DMKN: variants seen among roughly 807,000 people sequenced by gnomAD.
DMKN encodes the protein epidermis-specific secreted protein SK30/SK89.
A neutral mutation model predicts 67.6 loss-of-function variants in DMKN; 58 were observed. The ratio of observed to expected loss-of-function variants is 0.86; its 90% CI spans 0.69 to 1.07. DMKN has a LOEUF of 1.07. Ranked by LOEUF, DMKN falls within the 50% of genes least tolerant of loss-of-function variation. DMKN has a pLI of 0.00. For synonymous variants in DMKN, 240 were observed against 232.3 expected (o/e 1.03, Z -0.30); for missense variants, 596 against 601.5 (o/e 0.99, Z 0.10).
intron 7 of DMKN, chr19:35,507,614 G>C (rs1329849658): frequency 1.0e-6 from 1 of 976,006 alleles, no homozygotes; most frequent in Non-Finnish European, 1.6e-6. Context: ...TGAATCGGGG[G>C]ACTGAGACAT....
chr19:35,512,189 G>C lies in DMKN; in HGVS notation c.684+232C>G, dbSNP rs1226082554. ...ATTTTTGTATTTTTAGTGAAGACAGGGTTTCACCATGTTGACCAGGCTGGT... is the reference window on the plus strand; with the variant it reads ...ATTTTTGTATTTTTAGTGAAGACAGCGTTTCACCATGTTGACCAGGCTGGT... On this transcript the variant is annotated intron_variant, in intron 3 of 15. Coordinates refer to ENST00000339686, the MANE Select transcript of DMKN (RefSeq NM_033317.5). Among the ~76,000 whole-genome samples the C allele has an allele frequency of 3.3e-5, 5 of 152,002 alleles. No individual in the cohort carries two copies. The South Asian group carries it at 1.0e-3, about 32-fold the overall frequency.
rs188887056 is a variant in DMKN at position 35,506,109 on chromosome 19, G to C, written c.1039-123C>G. On this transcript the variant is annotated intron_variant, in intron 7 of 15. Transcript: ENST00000339686. ...CACCATGGTCCCAGCCCAAGGTGGA[G>C]TGTTGCCTCCACTCACCACAGTATT... 1.1e-3 allele frequency: 1,795 copies of C among 1,594,046 alleles called. 16 individuals are homozygous for C. In the African/African-American group the frequency reaches 0.016, roughly 14 times the overall value.
intron 7 of DMKN, 128 bp from the exon 8 acceptor site, chr19:35,506,114 G>A: frequency 6.3e-7 from 1 of 1,590,082 alleles, no homozygotes; most frequent in Non-Finnish European, 8.5e-7. Context: ...GTGGAGTGTT[G>A]CCTCCACTCA....
chr19:35,505,036 AAAAT>A lies in DMKN; in HGVS notation c.1134+678_1134+681del, dbSNP rs940823114. On this transcript the variant is annotated intron_variant, in intron 9 of 15. Transcript: ENST00000339686. ...TAATTCATATTCTTAAAAAAAAAAA[AAAAT>A]AGAGTGTCTCAAAAACCCATCCTCC... is the stretch of plus-strand genomic sequence containing the variant. Among the ~76,000 whole-genome samples, 103 of 152,060 alleles carry A rather than the reference AAAAT, an allele frequency of 6.8e-4. No individual in the cohort carries two copies. The Middle Eastern group carries it at 0.024, about 35-fold the overall frequency.
chr19:35,503,272 C>T (rs2068742165), intron 9 of DMKN: 8 of 1,484,958 alleles, frequency 5.4e-6, no homozygotes, highest in South Asian at 1.4e-5. Context: ...TGGATAACAG[C>T]GGAGACGTAA....
chr19:35,500,302 C>A, intron 12 of DMKN: 1 of 1,517,076 alleles, frequency 6.6e-7, no homozygotes, highest in Non-Finnish European at 8.9e-7. Flanking sequence ...TCAAGTGTTA[C>A]TTGGGAGGTG....
intron 7 of DMKN, chr19:35,509,703 T>C: frequency 1.7e-6 from 1 of 573,028 alleles, no homozygotes; most frequent in African/African-American, 1.9e-5. Flanking sequence ...TGGTATAAGG[T>C]GAGGTATATC....
At chr19:35,511,330 A>G (rs2070713683) in intron 5 of DMKN, 81 bp downstream of exon 5, 2 of 1,588,372 alleles carry the variant, frequency 1.3e-6, no homozygotes, top group East Asian at 4.5e-5. Flanking sequence ...GGCAGCTTTC[A>G]GAGAAACTTG....
chr19:35,513,079 G>C lies in DMKN; in HGVS notation c.397C>G (p.Gln133Glu), dbSNP rs757657275. The C allele has an allele frequency of 3.1e-6, 5 of 1,613,884 alleles. No individual in the cohort carries two copies. The highest frequency in any genetic ancestry group is 4.2e-6 in the Non-Finnish European group (5 of 1,180,022). Residue 133 changes from glutamine (Q) to glutamate (E), a missense_variant, in exon 1 of 16, where the codon CAG becomes GAG. By Grantham distance (29) the Gln-to-Glu change is conservative. Transcript: ENST00000339686. ...HGADAVRGSW[Q>E]GVPGHNGAWE... ...GCACCATTGTGGCCAGGCACCCCCT[G>C]CCAGGAGCCGCGGACAGCATCTGCT... is the stretch of plus-strand genomic sequence containing the variant.
intron 9 of DMKN, chr19:35,503,200 C>T (rs759305546): frequency 3.7e-5 from 53 of 1,418,864 alleles, no homozygotes; most frequent in African/African-American, 8.7e-5. Context: ...TTCCACCTGC[C>T]GGGCCTCCTC....
At chr19:35,511,359 G>A in intron 5 of DMKN, 52 bp downstream of exon 5, 2 of 1,601,378 alleles carry the variant, frequency 1.2e-6, no homozygotes, top group Non-Finnish European at 1.7e-6. Context: ...TCCCGGCAGG[G>A]ACCACTAGGG....
chr19:35,511,993 C>T (rs1049270539), intron 3 of DMKN, among the ~76,000 whole-genome samples, 180 bp from the exon 4 acceptor site: 234 of 113,056 alleles, frequency 2.1e-3, no homozygotes, highest in Non-Finnish European at 3.3e-3. Flanking sequence ...TCTCTTCCTC[C>T]TTTTTTTTTT....
At chr19:35,497,919 C>G (rs1460191627) in intron 15 of DMKN, 1 of 152,066 alleles carries the variant, frequency 6.6e-6, no homozygotes, top group Non-Finnish European at 1.5e-5. Context: ...TCTTCTTTCT[C>G]TCTTGCTTGC....
Position 35,508,199 on chromosome 19 carries a change from T to C in DMKN, c.1038+1712A>G, listed in dbSNP as rs1367791187. The C allele has an allele frequency of 6.4e-6, 10 of 1,552,158 alleles. No homozygotes were observed. In the South Asian group the frequency reaches 8.3e-5, roughly 13 times the overall value. On this transcript the variant is annotated intron_variant, in intron 7 of 15. Coordinates refer to ENST00000339686, the MANE Select transcript of DMKN (RefSeq NM_033317.5). ...GTCTCTGACCCCACATCTACCATCC[T>C]CTTACCCTCATGTTGCTGGAAACTC...
chr19:35,513,144 T>C lies in DMKN; in HGVS notation c.332A>G (p.His111Arg), dbSNP rs760542399. The C allele has an allele frequency of 6.2e-6, 10 of 1,614,072 alleles. No homozygotes were observed. The highest frequency in any genetic ancestry group is 5.1e-6 in the Non-Finnish European group (6 of 1,180,048). The change falls in exon 1 of 16, where the codon CAC becomes CGC. Residue 111 changes from histidine to arginine, a missense_variant. Coordinates refer to ENST00000339686, the MANE Select transcript of DMKN (RefSeq NM_033317.5). ...EAAHALGNTG[H>R]EIGRQAEDVI... ...ATCTTCTGCCTGTCTGCCAATCTCG[T>C]GCCCAGTGTTTCCCAGAGCATGGGC...
chr19:35,512,645 G>C lies in DMKN; in HGVS notation c.572C>G (p.Ala191Gly). 1 of 1,614,200 alleles carries C rather than the reference G, an allele frequency of 6.2e-7. No individual in the cohort carries two copies. Among genetic ancestry groups the C allele is most frequent in the Non-Finnish European group, 8.5e-7 (1 of 1,180,036 alleles). ...AGSFGMNPQG[A>G]PWGQGGNGGP... is the part of the protein sequence containing the mutation. ...TCCATTGCCTCCTTGACCCCAGGGA[G>C]CTCCCTGAGGATTCATTCCAAAGCT... The change falls in exon 2 of 16, where the codon GCT (alanine) becomes GGT (glycine). Residue 191 changes from alanine to glycine, a missense_variant. Coordinates refer to ENST00000339686, the MANE Select transcript of DMKN (RefSeq NM_033317.5).
intron 15 of DMKN, chr19:35,497,882 T>C (rs1464549172): frequency 6.6e-6 from 1 of 152,362 alleles, no homozygotes; most frequent in African/African-American, 2.4e-5. Flanking sequence ...CCTAAGGTGC[T>C]TTCCGAGGGT....
intron 7 of DMKN, chr19:35,506,801 G>A (rs1293534568): frequency 4.0e-6 from 1 of 251,134 alleles, no homozygotes; most frequent in East Asian, 1.1e-4. Flanking sequence ...ATCACCTGAG[G>A]TCAGGAGTTT....
In DMKN at chr19:35,511,510, G is replaced by GCTGCTGCCA. The variant is rs1555800284; in HGVS notation, c.810_818dup (p.Gly271_Ser273dup). On this transcript the variant is annotated inframe_insertion, in exon 5 of 16. Coordinates refer to ENST00000339686, the MANE Select transcript of DMKN (RefSeq NM_033317.5). ...TGCTGCCGCCACTGCTGCTGCCACT[G>GCTGCTGCCA]CTGCTGCCACCACTGCTGCTGCCAT... is the stretch of plus-strand genomic sequence containing the variant. 93 of 1,098,120 alleles carry GCTGCTGCCA rather than the reference G, an allele frequency of 8.5e-5. 2 individuals carry two copies. Among genetic ancestry groups the GCTGCTGCCA allele is most frequent in the Admixed American group, 3.2e-4 (8 of 25,210 alleles). 68.0% of individuals were successfully genotyped at this position (1,098,120 alleles called of 1,614,324 possible).
Sources: gnomAD v4.1 joint callset for allele counts (sites outside exome capture counted in the v4.1 genomes callset) on GRCh38, gnomAD v4.1.1 for gene constraint, MANE v1.5 for transcripts, NCBI Gene and HGNC (gene_info 2026-07-23, HGNC 2026-07-21) for gene names.